Variants in ADAMTS16 observed in about 807,000 individuals in gnomAD.
ADAMTS16 encodes the protein ADAM metallopeptidase with thrombospondin type 1 motif 16.
ADAMTS16 carries 94 observed loss-of-function variants against 145.8 expected under a neutral mutation model. The observed-to-expected ratio is 0.64, with a 90% CI of 0.55 to 0.77. ADAMTS16 has a LOEUF of 0.77. Among genes scored for constraint, ADAMTS16 ranks in the 30% least tolerant of loss-of-function variants. ADAMTS16 has a pLI of 0.00. For missense variants in ADAMTS16, 1,585 were observed against 1,591.5 expected (o/e 1.00, Z 0.07); for synonymous variants, 659 against 604.3 (o/e 1.09, Z -1.33).
intron 3 of ADAMTS16, among the ~76,000 whole-genome samples, chr5:5,173,038 C>G (rs2126545064): frequency 6.6e-6 from 1 of 152,160 alleles, no homozygotes; most frequent in Middle Eastern, 3.4e-3. Context: ...AAGTTTAGGA[C>G]TCCAGCCCTT....
chr5:5,228,432 G>C (rs893873216), intron 11 of ADAMTS16, among the ~76,000 whole-genome samples: 2 of 152,082 alleles, frequency 1.3e-5, no homozygotes, highest in Admixed American at 6.6e-5. Flanking sequence ...AATCAAAGAA[G>C]CTAAGTAACA....
intron 17 of ADAMTS16, among the ~76,000 whole-genome samples, chr5:5,245,660 C>T (rs968336827): frequency 7.9e-5 from 12 of 152,138 alleles, no homozygotes; most frequent in Non-Finnish European, 1.6e-4. Flanking sequence ...AAATTTCTCC[C>T]ACCTCTTGCT....
intron 10 of ADAMTS16, among the ~76,000 whole-genome samples, chr5:5,213,720 G>A (rs941735926): frequency 1.3e-5 from 2 of 152,094 alleles, no homozygotes; most frequent in African/African-American, 4.8e-5. Flanking sequence ...TGAATGCCCA[G>A]GATGCTCATT....
chr5:5,259,666 A>G (rs1376178367), intron 17 of ADAMTS16, among the ~76,000 whole-genome samples: 2 of 152,250 alleles, frequency 1.3e-5, no homozygotes. Flanking sequence ...TCATCAATTG[A>G]GTATTCATCT....
intron 3 of ADAMTS16, among the ~76,000 whole-genome samples, chr5:5,155,978 C>G (rs1734590891): frequency 6.6e-6 from 1 of 152,154 alleles, no homozygotes; most frequent in Non-Finnish European, 1.5e-5. Context: ...TGGGGCTAAA[C>G]AGGAAGCCCA....
chr5:5,318,109 T>C (rs745373345), intron 21 of ADAMTS16, 25 bp from the exon 22 acceptor site: 57 of 1,365,112 alleles, frequency 4.2e-5, no homozygotes, highest in Admixed American at 6.2e-5. Flanking sequence ...GGGGCCATGG[T>C]GACATGTGTG....
At chr5:5,265,935 C>T (rs909400531) in intron 18 of ADAMTS16, among the ~76,000 whole-genome samples, 20 of 150,966 alleles carry the variant, frequency 1.3e-4, no homozygotes, top group Non-Finnish European at 1.9e-4. Flanking sequence ...CTCAAGGCAC[C>T]GAGTTACCAG....
At chr5:5,298,149 G>A (rs1739623094) in intron 18 of ADAMTS16, among the ~76,000 whole-genome samples, 1 of 152,164 alleles carries the variant, frequency 6.6e-6, no homozygotes, top group African/African-American at 2.4e-5. Flanking sequence ...CTGTGGCTGG[G>A]AGGGATGAGC....
chr5:5,299,468 C>G (rs993432860), intron 18 of ADAMTS16, among the ~76,000 whole-genome samples: 20 of 152,034 alleles, frequency 1.3e-4, no homozygotes, highest in African/African-American at 4.6e-4. Context: ...TGGAAACTTG[C>G]ATTTTCAAAG....
chr5:5,163,873 G>T (rs570478131), intron 3 of ADAMTS16, among the ~76,000 whole-genome samples: 1 of 152,332 alleles, frequency 6.6e-6, no homozygotes, highest in Non-Finnish European at 1.5e-5. Flanking sequence ...GCCATGTCCT[G>T]CTCCCTGACT....
chr5:5,258,343 G>GC (rs540616509), intron 17 of ADAMTS16, among the ~76,000 whole-genome samples: 1 of 152,194 alleles, frequency 6.6e-6, no homozygotes, highest in African/African-American at 2.4e-5. Flanking sequence ...TTCTAAGACT[G>GC]CCCAGAGCAG....
chr5:5,319,304 A>C lies in ADAMTS16; in HGVS notation c.*166A>C, dbSNP rs868572028. On this transcript the variant is annotated 3_prime_UTR_variant, in exon 23 of 23. Transcript: ENST00000274181. The stretch of plus-strand genomic sequence containing the variant: ...GAGTGTATGTATGTGTTTCACTGTG[A>C]GCCTGGGTGCAGACCTGTGTCCCCA... 1.6e-6 allele frequency: 1 copy of C among 613,886 alleles called. No homozygotes were observed. The highest frequency in any genetic ancestry group is 2.9e-6 in the Non-Finnish European group (1 of 342,510). The allele number at this position is 613,886 out of a possible 1,614,324, so 38.0% of individuals were successfully genotyped here. A position where few individuals can be genotyped will look rare whatever the true frequency, so the allele number is the denominator to read the frequency against.
intron 2 of ADAMTS16, among the ~76,000 whole-genome samples, chr5:5,144,859 G>C (rs1343061309): frequency 1.3e-5 from 2 of 152,168 alleles, no homozygotes; most frequent in Admixed American, 1.3e-4. Flanking sequence ...AGAGTTACAG[G>C]CTCTGTCTTT....
chr5:5,297,989 C>T (rs6555346), intron 18 of ADAMTS16, among the ~76,000 whole-genome samples: 112,456 of 152,082 alleles, frequency 0.74, 41,977 homozygotes, highest in South Asian at 0.82. Flanking sequence ...GGCCCTGTTC[C>T]TTGCCAACCA....
In ADAMTS16 at chr5:5,303,647, C is replaced by A. The variant is rs1276195741; in HGVS notation, c.3067C>A (p.Gln1023Lys). The A allele has an allele frequency of 8.7e-6, 14 of 1,614,068 alleles. No homozygotes were observed. In the East Asian group the frequency reaches 3.1e-4, roughly 36 times the overall value. ...CKSTNPSARA[Q>K]LLPDAVCTSE... The stretch of plus-strand genomic sequence containing the variant: ...GAGCACCAACCCCTCGGCCAGAGCG[C>A]AGCTGCTGCCCGACGCTGTCTGCAC... The change falls in exon 20 of 23, where the codon CAG becomes AAG. Residue 1023 changes from glutamine (Q) to lysine (K), a missense_variant. Gln to Lys is a moderately conservative substitution (Grantham distance 53). Around this residue, in one of 3 missense-constraint regions of ADAMTS16, gnomAD observed 834 missense variants for 811.7 expected, o/e 1.03. Transcript: ENST00000274181.
intron 4 of ADAMTS16, among the ~76,000 whole-genome samples, chr5:5,183,380 C>T: frequency 6.6e-6 from 1 of 152,236 alleles, no homozygotes; most frequent in East Asian, 1.9e-4. Context: ...ACCGGCAGGT[C>T]AGGACCCAGA....
At chr5:5,280,147 ACTGAATC>A (rs544028894) in intron 18 of ADAMTS16, among the ~76,000 whole-genome samples, 7 of 152,130 alleles carry the variant, frequency 4.6e-5, no homozygotes, top group East Asian at 1.9e-4. Context: ...ATAATCCTGA[ACTGAATC>A]CTGAATCCTG....
intron 3 of ADAMTS16, among the ~76,000 whole-genome samples, chr5:5,156,867 G>C (rs1307445297): frequency 2.6e-5 from 4 of 152,176 alleles, no homozygotes; most frequent in African/African-American, 7.2e-5. Context: ...ACACTCAGTG[G>C]AGTTCTGTCC....
rs1363192035 is a variant in ADAMTS16 at position 5,223,054 on chromosome 5, G to A, written c.1701+170G>A. On this transcript the variant is annotated intron_variant, in intron 11 of 22. Coordinates refer to ENST00000274181, the MANE Select transcript of ADAMTS16 (RefSeq NM_139056.4). ...TATTTTATATTGATAATGTGAAGAG[G>A]AATCCTTTTCTCACTTTTGTGAAAA... is the stretch of plus-strand genomic sequence containing the variant. 4 of 545,940 alleles carry A rather than the reference G, an allele frequency of 7.3e-6. No individual in the cohort carries two copies. In the African/African-American group the frequency reaches 7.5e-5, roughly 10 times the overall value. The allele number at this position is 545,940 out of a possible 1,614,324, so 33.8% of individuals were successfully genotyped here.
Sources: allele counts gnomAD v4.1 joint callset (sites outside exome capture counted in the v4.1 genomes callset), GRCh38; gene constraint gnomAD v4.1.1; regional missense constraint gnomAD v4.1.1; transcripts MANE v1.5; gene names NCBI Gene and HGNC (gene_info 2026-07-23, HGNC 2026-07-21).